The following TP53BP2 variants were observed in gnomAD, a reference collection of about 807,000 sequenced individuals.
The protein encoded by TP53BP2 is tumor protein p53 binding protein 2, also known as apoptosis-stimulating of p53 protein 2.
TP53BP2 carries 62 observed loss-of-function variants against 126.2 expected under a neutral mutation model. That is an observed-to-expected ratio of 0.49 (90% CI 0.40 to 0.61). The LOEUF is 0.61. Ranked by LOEUF, TP53BP2 falls within the 20% of genes least tolerant of loss-of-function variation. TP53BP2 has a pLI of 0.00. For synonymous variants in TP53BP2, 485 were observed against 502.9 expected, an observed-to-expected ratio of 0.96 and a Z score of 0.48; for missense variants, 1,215 against 1,402.8, an observed-to-expected ratio of 0.87 and a Z score of 2.14.
chr1:223,794,206 C>A (rs1662241769), intron 13 of TP53BP2, among the ~76,000 whole-genome samples: 1 of 150,828 alleles, frequency 6.6e-6, no homozygotes, highest in African/African-American at 2.4e-5. Flanking sequence ...TCCTGTAAAA[C>A]AGGTTTCTTA....
chr1:223,820,199 G>A (rs961324903), intron 2 of TP53BP2, among the ~76,000 whole-genome samples: 1 of 152,222 alleles, frequency 6.6e-6, no homozygotes, highest in Admixed American at 6.5e-5. Flanking sequence ...GTGGGAATGA[G>A]CTTAGCATAT....
chr1:223,831,423 T>G (rs1274879926), intron 1 of TP53BP2, among the ~76,000 whole-genome samples: 1 of 116,830 alleles, frequency 8.6e-6, no homozygotes, highest in East Asian at 2.5e-4. Context: ...AAAGTAAAAA[T>G]ATGTGTGTCT....
At chr1:223,789,200 A>C in intron 15 of TP53BP2, 26 bp from the exon 16 acceptor site, 1 of 1,612,278 alleles carries the variant, frequency 6.2e-7, no homozygotes, top group Non-Finnish European at 8.5e-7. Flanking sequence ...CGAGGGCTAG[A>C]ACTGTTTTCC....
At chr1:223,825,173 A>G (rs1312452279) in intron 1 of TP53BP2, among the ~76,000 whole-genome samples, 3 of 152,168 alleles carry the variant, frequency 2.0e-5, no homozygotes, top group Admixed American at 2.0e-4. Context: ...AGCTCCATAC[A>G]GTCAAAGGTT....
chr1:223,844,937 T>G (rs1204335323), intron 1 of TP53BP2, among the ~76,000 whole-genome samples: 1 of 152,038 alleles, frequency 6.6e-6, no homozygotes. Flanking sequence ...ACCGCAAACC[T>G]CCATTCCGCG....
At chr1:223,842,970 G>A (rs1248956179) in intron 1 of TP53BP2, among the ~76,000 whole-genome samples, 3 of 152,222 alleles carry the variant, frequency 2.0e-5, no homozygotes, top group Non-Finnish European at 2.9e-5. Flanking sequence ...GTATCTGAAA[G>A]TGAGAGTAAT....
intron 8 of TP53BP2, 53 bp downstream of exon 8, chr1:223,802,678 G>A (rs1393606419): frequency 1.3e-6 from 2 of 1,598,476 alleles, no homozygotes; most frequent in African/African-American, 2.7e-5. Context: ...ACCTCACTGG[G>A]CTGGTCATCT....
intron 16 of TP53BP2, among the ~76,000 whole-genome samples, chr1:223,785,766 A>G (rs1349350279): frequency 2.6e-5 from 4 of 152,226 alleles, no homozygotes; most frequent in Admixed American, 1.3e-4. Context: ...TTACTTTTTA[A>G]AAAATTTTTT....
intron 4 of TP53BP2, among the ~76,000 whole-genome samples, chr1:223,807,949 G>C (rs1027734423): frequency 2.6e-5 from 4 of 152,134 alleles, no homozygotes; most frequent in African/African-American, 9.7e-5. Flanking sequence ...TCATATGGAA[G>C]TACAAAGCAT....
At position 223,810,472 on chromosome 1, in the gene TP53BP2, C is replaced by G; in HGVS notation, c.331G>C (p.Gly111Arg). Residue 111 changes from glycine to arginine, a missense_variant, in exon 4 of 18, where the codon GGT (glycine) becomes CGT (arginine). By Grantham distance (125) the Gly-to-Arg change is moderately radical. Transcript: ENST00000343537. ...CGATATTCACCAGGAACTTTTACAC[C>G]ATTTCTTTTTAAACTTGGATCCTGA... ...RSQDPSLKRN[G>R]VKVPGEYRRK... is the part of the protein sequence containing the mutation. 6.2e-7 allele frequency: 1 copy of G among 1,609,566 alleles called. No individual in the cohort carries two copies. The highest frequency in any genetic ancestry group is 2.2e-5 in the East Asian group (1 of 44,710).
rs756718743 is a variant in TP53BP2, at chr1:223,804,305, T to C, written c.518A>G (p.Gln173Arg). 1 of 1,613,886 alleles carries C rather than the reference T, an allele frequency of 6.2e-7. No individual in the cohort carries two copies. Residue 173 changes from glutamine (Q) to arginine (R), a missense_variant, in exon 6 of 18, where the codon CAG (glutamine) becomes CGG (arginine). Transcript: ENST00000343537. ...KFLKQQDQRQ[Q>R]QQVAEQEKLK... is the part of the protein sequence containing the mutation. Reference sequence around the variant, plus strand: ...TTTCTCCTGCTCAGCAACTTGTTGCTGTTGTCGCTGATCTTGTTGTTTCAA... The same window carrying C: ...TTTCTCCTGCTCAGCAACTTGTTGCCGTTGTCGCTGATCTTGTTGTTTCAA...
At chr1:223,811,053 G>T (rs970657572) in intron 3 of TP53BP2, among the ~76,000 whole-genome samples, 1 of 152,078 alleles carries the variant, frequency 6.6e-6, no homozygotes. Flanking sequence ...TAAGTACTAT[G>T]AGGTACTTCC....
chr1:223,807,508 A>T (rs184886573), intron 4 of TP53BP2, among the ~76,000 whole-genome samples: 33 of 152,138 alleles, frequency 2.2e-4, no homozygotes, highest in Middle Eastern at 3.4e-3. Flanking sequence ...GGTAAAAAAG[A>T]AGTTCAACTG....
chr1:223,800,151 C>A (rs1431157357), intron 10 of TP53BP2, 104 bp from the exon 11 acceptor site: 2 of 1,207,424 alleles, frequency 1.7e-6, no homozygotes, highest in African/African-American at 3.1e-5. Context: ...TCTGTGTCCA[C>A]AAAGCACGTT....
At chr1:223,812,907 A>C (rs539315333) in intron 3 of TP53BP2, among the ~76,000 whole-genome samples, 59 of 152,074 alleles carry the variant, frequency 3.9e-4, no homozygotes, top group Admixed American at 3.8e-3. Flanking sequence ...CATGTTGGCC[A>C]GGCTGGTCTC....
chr1:223,810,549 A>G (rs1255948474), intron 3 of TP53BP2, 36 bp from the exon 4 acceptor site: 1 of 1,358,858 alleles, frequency 7.4e-7, no homozygotes, highest in African/African-American at 1.4e-5. Context: ...CATTAACACT[A>G]GAGTTGACAG....
At chr1:223,826,951 G>A (rs1455041803) in intron 1 of TP53BP2, among the ~76,000 whole-genome samples, 2 of 152,096 alleles carry the variant, frequency 1.3e-5, no homozygotes, top group Non-Finnish European at 2.9e-5. Context: ...GACAGAATGT[G>A]GGATTTGAAA....
chr1:223,839,508 T>C (rs1369817702), intron 1 of TP53BP2, among the ~76,000 whole-genome samples: 1 of 152,248 alleles, frequency 6.6e-6, no homozygotes, highest in African/African-American at 2.4e-5. Flanking sequence ...TAGTTTAAAC[T>C]GGTAATCTAT....
At chr1:223,802,651 G>C (rs1662566701) in intron 8 of TP53BP2, 80 bp downstream of exon 8, 2 of 1,494,664 alleles carry the variant, frequency 1.3e-6, no homozygotes, top group African/African-American at 1.4e-5. Context: ...TGATTCTGAA[G>C]AAGATGCCTA....
Sources: gnomAD v4.1 joint callset for allele counts (sites outside exome capture counted in the v4.1 genomes callset) on GRCh38, gnomAD v4.1.1 for gene constraint, MANE v1.5 for transcripts, NCBI Gene and HGNC (gene_info 2026-07-23, HGNC 2026-07-21) for gene names.